CCDC15: variants seen among roughly 807,000 people sequenced by gnomAD.
CCDC15 encodes coiled-coil domain-containing protein 15.
CCDC15 carries 105 observed loss-of-function variants against 114.5 expected under a neutral mutation model. The observed-to-expected ratio is 0.92, with a 90% CI of 0.78 to 1.08. CCDC15 has a LOEUF of 1.08. Among genes scored for constraint, CCDC15 ranks in the 50% least tolerant of loss-of-function variants. CCDC15 has a pLI of 0.00. For missense variants in CCDC15, 1,105 were observed against 1,093.6 expected (o/e 1.01, Z -0.15); for synonymous variants, 334 against 377.8 (o/e 0.88, Z 1.34).
Position 125,003,851 on chromosome 11 carries a change from T to G in CCDC15, c.2215-16T>G. The G allele has an allele frequency of 6.8e-7, 1 of 1,472,690 alleles. No individual in the cohort carries two copies. The highest frequency in any genetic ancestry group is 9.1e-7 in the Non-Finnish European group (1 of 1,093,904). The allele number at this position is 1,472,690 out of a possible 1,614,324, so 91.2% of individuals were successfully genotyped here. A position where few individuals can be genotyped will look rare whatever the true frequency, so the allele number is the denominator to read the frequency against. On this transcript the variant is annotated splice_polypyrimidine_tract_variant and intron_variant, in intron 11 of 15. Transcript: ENST00000344762. The stretch of plus-strand genomic sequence containing the variant: ...TGGTAATTTTGTCACTTTGTGTGAC[T>G]GGACCTTCTTAACAGGCTTATGATA...
chr11:124,985,301 C>T (rs1006480122), intron 6 of CCDC15, among the ~76,000 whole-genome samples: 3 of 152,098 alleles, frequency 2.0e-5, no homozygotes, highest in Non-Finnish European at 4.4e-5. Context: ...GAATTATGAA[C>T]GATTGTGTAT....
rs996038482 is a variant in CCDC15 at position 125,025,532 on chromosome 11, G to C, written c.2412-12899G>C. On this transcript the variant is annotated intron_variant, in intron 13 of 15. Transcript: ENST00000344762. ...CTTAAATGTTTGGTAGAATTTGGCA[G>C]TGAATCCATCTGGTTCTAGATTTTC... Among the ~76,000 whole-genome samples, 3 of 151,670 alleles carry C rather than the reference G, an allele frequency of 2.0e-5. No individual in the cohort carries two copies. The South Asian group carries it at 6.2e-4, about 32-fold the overall frequency.
intron 12 of CCDC15, among the ~76,000 whole-genome samples, chr11:125,004,381 A>G (rs1449550367): frequency 6.6e-6 from 1 of 152,004 alleles, no homozygotes; most frequent in Non-Finnish European, 1.5e-5. Flanking sequence ...CAGATATACC[A>G]AATCAGTATC....
intron 4 of CCDC15, among the ~76,000 whole-genome samples, chr11:124,965,960 T>A (rs919805492): frequency 6.6e-6 from 1 of 152,130 alleles, no homozygotes; most frequent in African/African-American, 2.4e-5. Flanking sequence ...TTTGAGTGAG[T>A]TTCTTAATCC....
chr11:125,013,451 T>A (rs1948609048), intron 13 of CCDC15, among the ~76,000 whole-genome samples: 1 of 152,092 alleles, frequency 6.6e-6, no homozygotes, highest in African/African-American at 2.4e-5. Context: ...TATAGAATAA[T>A]CTAAAAAAGA....
At position 124,977,534 on chromosome 11, in the gene CCDC15, G is replaced by C; in HGVS notation, c.687G>C (p.Glu229Asp). The C allele has an allele frequency of 1.2e-6, 2 of 1,608,160 alleles. No homozygotes were observed. Among genetic ancestry groups the C allele is most frequent in the Non-Finnish European group, 1.7e-6 (2 of 1,177,024 alleles). ...STGINTGIRG[E>D]LPIKVHQGLL... Reference sequence around the variant, plus strand: ...GGATAAATACAGGAATAAGAGGAGAGTTGCCCATTAAGGTCCATCAAGGTC... The same window carrying C: ...GGATAAATACAGGAATAAGAGGAGACTTGCCCATTAAGGTCCATCAAGGTC... Residue 229 changes from glutamate (E) to aspartate (D), a missense_variant, in exon 6 of 16, where the codon GAG becomes GAC. Glu to Asp is a conservative substitution (Grantham distance 45, BLOSUM62 2). Transcript: ENST00000344762.
intron 13 of CCDC15, among the ~76,000 whole-genome samples, chr11:125,023,089 G>A (rs1948673171): frequency 6.6e-6 from 1 of 151,804 alleles, no homozygotes; most frequent in South Asian, 2.1e-4. Flanking sequence ...ACAAGTCTTT[G>A]CCTAACCCAA....
At chr11:125,012,960 C>T (rs1285844710) in intron 13 of CCDC15, among the ~76,000 whole-genome samples, 1 of 151,944 alleles carries the variant, frequency 6.6e-6, no homozygotes, top group Admixed American at 6.6e-5. Flanking sequence ...GCCTCAGTAT[C>T]CTTAATTATA....
At chr11:124,989,003 T>C (rs561224096) in intron 8 of CCDC15, among the ~76,000 whole-genome samples, 1 of 152,374 alleles carries the variant, frequency 6.6e-6, no homozygotes, top group African/African-American at 2.4e-5. Context: ...CCTCCTCCCA[T>C]GATTCATGAA....
At chr11:124,994,294 T>C (rs1225937578) in intron 11 of CCDC15, among the ~76,000 whole-genome samples, 1 of 152,158 alleles carries the variant, frequency 6.6e-6, no homozygotes, top group Admixed American at 6.5e-5. Context: ...TCACAGGGTA[T>C]GAGCAGTGGA....
In CCDC15 at chr11:124,987,457, G is replaced by A. The variant is rs367724165; in HGVS notation, c.1231G>A (p.Asp411Asn). ...EEGSIVLKTQ[D>N]FLPTNQALLT... ...AGGGAGTATTGTGTTGAAAACCCAGGATTTTCTACCCACAAATCAGGCTCT... is the reference window on the plus strand; with the variant it reads ...AGGGAGTATTGTGTTGAAAACCCAGAATTTTCTACCCACAAATCAGGCTCT... Residue 411 changes from aspartate (D) to asparagine (N), a missense_variant, in exon 8 of 16, where the codon GAT (aspartate) becomes AAT (asparagine). Asp to Asn is a conservative substitution (Grantham distance 23). Transcript: ENST00000344762. 1.9e-6 allele frequency: 3 copies of A among 1,613,926 alleles called. No individual in the cohort carries two copies. Among genetic ancestry groups the A allele is most frequent in the Non-Finnish European group, 2.5e-6 (3 of 1,179,896 alleles).
In CCDC15 at chr11:124,992,678, T is replaced by C; in HGVS notation, c.2130T>C (p.Pro710=). 1.3e-6 allele frequency: 2 copies of C among 1,568,068 alleles called. No individual in the cohort carries two copies. Among genetic ancestry groups the C allele is most frequent in the Non-Finnish European group, 1.7e-6 (2 of 1,148,330 alleles). Residue 710 remains proline, a synonymous_variant, in exon 10 of 16, where the codon CCT becomes CCC. Transcript: ENST00000344762. The part of the protein sequence containing the change: ...VVPKIQDQDS[P]REQNKHIKLP... ...CTAAAATCCAGGACCAAGACTCCCC[T>C]AGAGAACAGGTAGAACCGAATACAG...
intron 13 of CCDC15, among the ~76,000 whole-genome samples, chr11:125,025,638 T>C (rs1333260495): frequency 6.6e-6 from 1 of 152,122 alleles, no homozygotes; most frequent in African/African-American, 2.4e-5. Flanking sequence ...TTTCTTGAGT[T>C]ACCTTTAATA....
chr11:124,993,629 A>G (rs183583774), intron 11 of CCDC15, among the ~76,000 whole-genome samples: 1 of 152,320 alleles, frequency 6.6e-6, no homozygotes, highest in Admixed American at 6.5e-5. Context: ...CCATAGCGCC[A>G]TGGATATATT....
intron 11 of CCDC15, among the ~76,000 whole-genome samples, chr11:125,003,502 A>G (rs1245226215): frequency 6.6e-6 from 1 of 151,990 alleles, no homozygotes; most frequent in Non-Finnish European, 1.5e-5. Flanking sequence ...GTGATCATAT[A>G]TAGAATTGAA....
intron 13 of CCDC15, among the ~76,000 whole-genome samples, chr11:125,013,080 G>A (rs1455358783): frequency 6.6e-6 from 1 of 152,126 alleles, no homozygotes; most frequent in East Asian, 1.9e-4. Context: ...TCAATAAAAA[G>A]TACCTGTTAC....
At chr11:124,964,460 C>T (rs1032886709) in intron 4 of CCDC15, among the ~76,000 whole-genome samples, 4 of 151,894 alleles carry the variant, frequency 2.6e-5, no homozygotes, top group South Asian at 2.1e-4. Context: ...ATTGGTGTGT[C>T]GGAATACTTG....
At chr11:124,978,490 G>A (rs1473528580) in intron 6 of CCDC15, among the ~76,000 whole-genome samples, 2 of 152,120 alleles carry the variant, frequency 1.3e-5, no homozygotes, top group Non-Finnish European at 2.9e-5. Flanking sequence ...TGGTGTATAA[G>A]CATTCCTTTT....
chr11:125,027,234 T>C (rs1179193519), intron 13 of CCDC15, among the ~76,000 whole-genome samples: 1 of 152,206 alleles, frequency 6.6e-6, no homozygotes, highest in East Asian at 1.9e-4. Flanking sequence ...TAATGACTTC[T>C]TTTCCTTTGA....
Sources: allele counts gnomAD v4.1 joint callset (sites outside exome capture counted in the v4.1 genomes callset), GRCh38; gene constraint gnomAD v4.1.1; transcripts MANE v1.5; gene names NCBI Gene and HGNC (gene_info 2026-07-23, HGNC 2026-07-21).